ABCA12: variants seen among roughly 807,000 people sequenced by gnomAD.
The protein encoded by ABCA12 is ATP binding cassette subfamily A member 12, also known as glucosylceramide transporter ABCA12.
A neutral mutation model predicts 293.5 loss-of-function variants in ABCA12; 156 were observed. That is an observed-to-expected ratio of 0.53 (90% CI 0.47 to 0.61). The LOEUF (loss-of-function observed/expected upper bound fraction) is 0.61. Ranked by LOEUF, ABCA12 falls within the 20% of genes least tolerant of loss-of-function variation. The probability of loss-of-function intolerance (pLI) is 0.00; values close to 1 mark genes in which losing one functional copy is unlikely to be tolerated. For synonymous variants in ABCA12, 1,063 were observed against 1,108.0 expected (o/e 0.96, Z 0.81); for missense variants, 2,797 against 3,090.2 (o/e 0.91, Z 2.25).
chr2:214,978,632 T>C (rs188690177), intron 32 of ABCA12, among the ~76,000 whole-genome samples, 166 bp from the exon 33 acceptor site: 16 of 152,338 alleles, frequency 1.1e-4, no homozygotes, highest in African/African-American at 3.8e-4. Context: ...GCTGTCTAGC[T>C]GGGGCAACAT....
intron 51 of ABCA12, 61 bp downstream of exon 51, chr2:214,937,449 C>T (rs993691743): frequency 2.2e-5 from 30 of 1,359,776 alleles, no homozygotes; most frequent in Admixed American, 1.0e-4. Flanking sequence ...TTGCCCGCCT[C>T]GGACTCCCAA....
intron 1 of ABCA12, among the ~76,000 whole-genome samples, chr2:215,113,194 A>C (rs564302525): frequency 3.9e-5 from 6 of 152,238 alleles, no homozygotes; most frequent in African/African-American, 1.4e-4. Context: ...CCTAATCTAC[A>C]TTTGCTACTA....
At chr2:215,132,843 C>A (rs562201568) in intron 1 of ABCA12, among the ~76,000 whole-genome samples, 41 of 152,140 alleles carry the variant, frequency 2.7e-4, no homozygotes, top group Non-Finnish European at 5.0e-4. Context: ...GAGCTTTGTA[C>A]TTATGTATCT....
intron 2 of ABCA12, among the ~76,000 whole-genome samples, chr2:215,106,671 T>C (rs771479132): frequency 6.6e-6 from 1 of 150,666 alleles, no homozygotes; most frequent in African/African-American, 2.5e-5. Context: ...GTCTGACACA[T>C]AGCAAAGTGT....
intron 45 of ABCA12, among the ~76,000 whole-genome samples, chr2:214,949,375 T>TACAC (rs1186183654): frequency 1.9e-3 from 275 of 148,374 alleles, no homozygotes; most frequent in African/African-American, 6.6e-3. Flanking sequence ...TATATATATA[T>TACAC]ATACACACAC....
intron 1 of ABCA12, among the ~76,000 whole-genome samples, chr2:215,117,122 T>C (rs772027705): frequency 6.6e-6 from 1 of 152,232 alleles, no homozygotes; most frequent in Non-Finnish European, 1.5e-5. Flanking sequence ...AAGAAGTTAT[T>C]TGTGCTGTTC....
chr2:215,094,794 A>G (rs1702217626), intron 2 of ABCA12, among the ~76,000 whole-genome samples: 1 of 152,124 alleles, frequency 6.6e-6, no homozygotes, highest in South Asian at 2.1e-4. Context: ...CAGTTGCCCC[A>G]TCAATCCCCA....
intron 23 of ABCA12, among the ~76,000 whole-genome samples, chr2:214,997,369 T>C (rs1700057893): frequency 6.6e-6 from 1 of 152,204 alleles, no homozygotes. Context: ...CAGTTGTTAT[T>C]GTTGTTATTT....
chr2:215,090,381 G>T (rs1249411974), intron 2 of ABCA12, among the ~76,000 whole-genome samples: 2 of 152,132 alleles, frequency 1.3e-5, no homozygotes, highest in Non-Finnish European at 2.9e-5. Context: ...ACTCTGTGAG[G>T]AGATCCACCT....
rs1293603044 is a variant in ABCA12, at chr2:215,064,088, C to G, written c.295G>C (p.Asp99His). The change falls in exon 3 of 53, where the codon GAT becomes CAT. Residue 99 changes from aspartate (D) to histidine (H), a missense_variant. By Grantham distance (81) the Asp-to-His change is moderately conservative. Transcript: ENST00000272895. ...CACCTGTCTTTAAATAGTGCATCATCAATTCCTTTCCTACGAAGCAGATCT... is the reference window on the plus strand; with the variant it reads ...CACCTGTCTTTAAATAGTGCATCATGAATTCCTTTCCTACGAAGCAGATCT... ...PQDLLRRKGI[D>H]DALFKDSEIL... is the part of the protein sequence containing the mutation. The G allele has an allele frequency of 6.2e-6, 10 of 1,612,720 alleles. No homozygotes were observed. In the African/African-American group the frequency reaches 6.7e-5, roughly 11 times the overall value.
At chr2:215,112,541 C>T (rs1702599461) in intron 1 of ABCA12, among the ~76,000 whole-genome samples, 1 of 150,606 alleles carries the variant, frequency 6.6e-6, no homozygotes, top group South Asian at 2.1e-4. Context: ...CTCTGTCACC[C>T]AGGCTGGATC....
chr2:215,117,230 A>G (rs1702704745), intron 1 of ABCA12, among the ~76,000 whole-genome samples: 1 of 152,232 alleles, frequency 6.6e-6, no homozygotes, highest in African/African-American at 2.4e-5. Context: ...AATTTTTAAA[A>G]GAGTGCAAGA....
At chr2:214,932,782 G>T in intron 52 of ABCA12, 41 bp from the exon 53 acceptor site, 1 of 1,421,276 alleles carries the variant, frequency 7.0e-7, no homozygotes, top group Non-Finnish European at 9.9e-7. Flanking sequence ...TGCCTGGTAA[G>T]CCAAAGGAAA....
chr2:215,012,031 C>T lies in ABCA12; in HGVS notation c.2061G>A (p.Leu687=). The T allele has an allele frequency of 6.2e-7, 1 of 1,613,960 alleles. No homozygotes were observed. Among genetic ancestry groups the T allele is most frequent in the Non-Finnish European group, 8.5e-7 (1 of 1,179,926 alleles). ...LNQMASGTHP[L]LDKMRSLKQM... is the part of the protein sequence containing the mutation. ...GCTTCAGGGATCTCATTTTGTCTAG[C>T]AGCGGATGTGTGCCAGAAGCCATCT... Residue 687 remains leucine (L), a synonymous_variant, in exon 16 of 53, where the codon CTG becomes CTA. Transcript: ENST00000272895.
At chr2:215,048,008 G>T (rs1228671343) in intron 6 of ABCA12, among the ~76,000 whole-genome samples, 1 of 149,564 alleles carries the variant, frequency 6.7e-6, no homozygotes, top group East Asian at 1.9e-4. Flanking sequence ...AGTGGGCAAA[G>T]GACATGAACA....
intron 24 of ABCA12, 98 bp from the exon 25 acceptor site, chr2:214,989,719 A>G: frequency 4.0e-6 from 5 of 1,252,758 alleles, no homozygotes; most frequent in Non-Finnish European, 5.6e-6. Context: ...ATTTGTATAG[A>G]TAAAATTGAT....
Position 215,132,228 on chromosome 2 carries a change from T to C in ABCA12, c.69+5912A>G, listed in dbSNP as rs1436678766. 3.9e-5 allele frequency among the ~76,000 whole-genome samples: 6 copies of C among 152,202 alleles called. No individual in the cohort carries two copies. In the East Asian group the frequency reaches 1.2e-3, roughly 29 times the overall value. ...TATATTCTGCAGTTGTTGGGTATAATGTTCTATAAATGTCTATTAGGTCCT... is the reference window on the plus strand; with the variant it reads ...TATATTCTGCAGTTGTTGGGTATAACGTTCTATAAATGTCTATTAGGTCCT... On this transcript the variant is annotated intron_variant, in intron 1 of 52. Transcript: ENST00000272895.
At chr2:214,994,827 C>T (rs894065808) in intron 23 of ABCA12, among the ~76,000 whole-genome samples, 1 of 152,062 alleles carries the variant, frequency 6.6e-6, no homozygotes, top group African/African-American at 2.4e-5. Flanking sequence ...CTCTGCGGCC[C>T]ACATATATTT....
Position 214,985,365 on chromosome 2 carries a change from G to A in ABCA12, c.4163+1177C>T, listed in dbSNP as rs549188567. Among the ~76,000 whole-genome samples, 15 of 152,148 alleles carry A rather than the reference G, an allele frequency of 9.9e-5. No individual in the cohort carries two copies. The South Asian group carries it at 2.9e-3, about 29-fold the overall frequency. On this transcript the variant is annotated intron_variant, in intron 28 of 52. Coordinates refer to ENST00000272895, the MANE Select transcript of ABCA12 (RefSeq NM_173076.3). ...TGGGAACTAAATGATGAGAATACAC[G>A]GACACAGAGAAGGTAACACCACACA...
Sources: gnomAD v4.1 joint callset for allele counts (sites outside exome capture counted in the v4.1 genomes callset) on GRCh38, gnomAD v4.1.1 for gene constraint, MANE v1.5 for transcripts, NCBI Gene and HGNC (gene_info 2026-07-23, HGNC 2026-07-21) for gene names.